Variants in MSRB1 observed in about 807,000 individuals in gnomAD.
The protein encoded by MSRB1 is methionine sulfoxide reductase B1, also known as methionine-R-sulfoxide reductase B1.
MSRB1 carries 13 observed loss-of-function variants against 15.2 expected under a neutral mutation model. That is an observed-to-expected ratio of 0.86 (90% CI 0.56 to 1.36). The LOEUF is 1.36. Among genes scored for constraint, MSRB1 ranks in the 40% most tolerant of loss-of-function variants. The pLI is 0.00. For missense variants in MSRB1, 174 were observed against 155.9 expected, an observed-to-expected ratio of 1.12 and a Z score of -0.62; for synonymous variants, 68 against 64.5, an observed-to-expected ratio of 1.05 and a Z score of -0.26.
In MSRB1 at chr16:1,943,088, G is replaced by C; in HGVS notation, c.55+14C>G. 6.4e-7 allele frequency: 1 copy of C among 1,554,226 alleles called. No individual in the cohort carries two copies. The highest frequency in any genetic ancestry group is 8.7e-7 in the Non-Finnish European group (1 of 1,149,074). On this transcript the variant is annotated intron_variant, in intron 1 of 3. Transcript: ENST00000361871. ...CGCCGCGCTGCCCTCCCAGCGAGAG[G>C]CCGCAGGACCAACCAGGTTCAAAGT...
At chr16:1,940,659 C>A (rs1008958198) in intron 3 of MSRB1, 119 bp downstream of exon 3, 22 of 1,242,798 alleles carry the variant, frequency 1.8e-5, no homozygotes, top group Non-Finnish European at 2.4e-5. Context: ...AGTTCCCAGG[C>A]AGCGTGACTT....
rs1169512591 is a variant in MSRB1, at chr16:1,938,523, G to C, written c.*589C>G. The C allele has an allele frequency of 6.4e-6, 1 of 156,960 alleles. No individual in the cohort carries two copies. The highest frequency in any genetic ancestry group is 1.4e-5 in the Non-Finnish European group (1 of 70,526). The allele number at this position is 156,960 out of a possible 1,614,324, so 9.7% of individuals were successfully genotyped here. The stretch of plus-strand genomic sequence containing the variant: ...CAGGGTTTAGGTTTCTCCCCTCGTG[G>C]ACGAGAGGCCAAGGGTGTGCCCCAT... On this transcript the variant is annotated 3_prime_UTR_variant, in exon 4 of 4. Coordinates refer to ENST00000361871, the MANE Select transcript of MSRB1 (RefSeq NM_016332.4).
intron 1 of MSRB1, chr16:1,941,640 C>T (rs954918278): frequency 5.1e-6 from 3 of 584,264 alleles, no homozygotes; most frequent in Non-Finnish European, 9.0e-6. Flanking sequence ...CTCATAGCCC[C>T]GTGACGGGGC....
chr16:1,939,336 C>T (rs1381536612), intron 3 of MSRB1, among the ~76,000 whole-genome samples, 193 bp from the exon 4 acceptor site: 2 of 152,180 alleles, frequency 1.3e-5, no homozygotes, highest in Non-Finnish European at 2.9e-5. Context: ...CTGAAAAGAC[C>T]AGATGCCCGA....
At chr16:1,942,368 T>G (rs566919535) in intron 1 of MSRB1, among the ~76,000 whole-genome samples, 1 of 152,320 alleles carries the variant, frequency 6.6e-6, no homozygotes, top group East Asian at 1.9e-4. Flanking sequence ...GACTTGCCTG[T>G]GGATGTGTTT....
intron 3 of MSRB1, 44 bp downstream of exon 3, chr16:1,940,734 C>G (rs774267686): frequency 6.3e-7 from 1 of 1,579,966 alleles, no homozygotes; most frequent in Admixed American, 1.8e-5. Context: ...AGCCTGGGCT[C>G]AAAGGCCAAC....
intron 1 of MSRB1, 170 bp from the exon 2 acceptor site, chr16:1,941,575 G>C (rs2083077921): frequency 1.2e-6 from 1 of 865,370 alleles, no homozygotes; most frequent in Non-Finnish European, 1.7e-6. Flanking sequence ...CTCACGTTTA[G>C]TAGATGTGCC....
chr16:1,942,728 C>T (rs2083086247), intron 1 of MSRB1, among the ~76,000 whole-genome samples: 1 of 152,250 alleles, frequency 6.6e-6, no homozygotes, highest in African/African-American at 2.4e-5. Flanking sequence ...AGAACCTGGC[C>T]TCTCCGAAGC....
chr16:1,939,901 C>A (rs1431497090), intron 3 of MSRB1, among the ~76,000 whole-genome samples: 1 of 150,692 alleles, frequency 6.6e-6, no homozygotes, highest in Non-Finnish European at 1.5e-5. Flanking sequence ...CTACATTGAG[C>A]TGAGATTGGC....
intron 2 of MSRB1, 77 bp downstream of exon 2, chr16:1,941,180 C>T (rs778442686): frequency 6.3e-7 from 1 of 1,587,086 alleles, no homozygotes; most frequent in African/African-American, 1.3e-5. Flanking sequence ...GTGGGGCAAG[C>T]AGAGGGAGGA....
At chr16:1,942,739 C>T (rs2083086356) in intron 1 of MSRB1, among the ~76,000 whole-genome samples, 1 of 152,240 alleles carries the variant, frequency 6.6e-6, no homozygotes, top group South Asian at 2.1e-4. Context: ...TCTCCGAAGC[C>T]CCGACCCTAA....
rs2150858548 is a variant in MSRB1, at chr16:1,943,095, G to A, written c.55+7C>T. On this transcript the variant is annotated splice_region_variant and intron_variant, in intron 1 of 3. Transcript: ENST00000361871. ...CTGCCCTCCCAGCGAGAGGCCGCAGGACCAACCAGGTTCAAAGTGATTCTG... is the reference window on the plus strand; with the variant it reads ...CTGCCCTCCCAGCGAGAGGCCGCAGAACCAACCAGGTTCAAAGTGATTCTG... 2.6e-6 allele frequency: 4 copies of A among 1,556,078 alleles called. No individual in the cohort carries two copies. The highest frequency in any genetic ancestry group is 1.9e-5 in the Admixed American group (1 of 51,820).
chr16:1,940,725 G>A (rs1289602938), intron 3 of MSRB1, 53 bp downstream of exon 3: 4 of 1,567,480 alleles, frequency 2.6e-6, no homozygotes, highest in African/African-American at 2.7e-5. Context: ...GGGCCCCCCA[G>A]CCTGGGCTCA....
chr16:1,940,892 C>G lies in MSRB1; in HGVS notation c.205G>C (p.Val69Leu). ...CCATTGCCACACTTGCCACAGGACA[C>G]CTGGAAAGATCACAAGGCAGCTGGG... ...PEHNRSEALK[V>L]SCGKCGNGLG... Residue 69 changes from valine (V) to leucine (L), a missense_variant and splice_region_variant, in exon 3 of 4, where the codon GTG (valine) becomes CTG (leucine). By Grantham distance (32) the Val-to-Leu change is conservative (BLOSUM62 1). Coordinates refer to ENST00000361871, the MANE Select transcript of MSRB1 (RefSeq NM_016332.4). 1.2e-6 allele frequency: 2 copies of G among 1,614,126 alleles called. No individual in the cohort carries two copies. Among genetic ancestry groups the G allele is most frequent in the Non-Finnish European group, 1.7e-6 (2 of 1,180,026 alleles).
chr16:1,942,265 G>T (rs570629907), intron 1 of MSRB1, among the ~76,000 whole-genome samples: 2 of 152,348 alleles, frequency 1.3e-5, no homozygotes, highest in African/African-American at 2.4e-5. Flanking sequence ...GAGTCTTGCT[G>T]GGGGAGGCTT....
At chr16:1,939,512 G>T (rs1028590625) in intron 3 of MSRB1, among the ~76,000 whole-genome samples, 4 of 116,110 alleles carry the variant, frequency 3.4e-5, no homozygotes, top group Non-Finnish European at 6.8e-5. Flanking sequence ...CCCACAGCAC[G>T]GTGATGGCCA....
At chr16:1,939,247 C>G in intron 3 of MSRB1, 104 bp from the exon 4 acceptor site, 2 of 1,252,048 alleles carry the variant, frequency 1.6e-6, no homozygotes, top group Non-Finnish European at 2.2e-6. Flanking sequence ...GGGCAGAAAG[C>G]AAGTCACTGC....
intron 2 of MSRB1, 159 bp downstream of exon 2, chr16:1,941,098 C>A (rs757111680): frequency 6.4e-7 from 1 of 1,551,302 alleles, no homozygotes; most frequent in Non-Finnish European, 8.7e-7. Context: ...CAGGCTCTCC[C>A]GATAGCCTGG....
chr16:1,941,165 G>C, intron 2 of MSRB1, 92 bp downstream of exon 2: 1 of 1,572,880 alleles, frequency 6.4e-7, no homozygotes, highest in Non-Finnish European at 8.6e-7. Context: ...TAAGCCCCTG[G>C]AGCTGTGGGG....
Sources: gnomAD v4.1 joint callset for allele counts (sites outside exome capture counted in the v4.1 genomes callset) on GRCh38, gnomAD v4.1.1 for gene constraint, MANE v1.5 for transcripts, NCBI Gene and HGNC (gene_info 2026-07-23, HGNC 2026-07-21) for gene names.